The following ZNF680 variants were observed in gnomAD, a reference collection of about 807,000 sequenced individuals.
ZNF680 encodes the protein hypothetical protein FLJ90430.
In ZNF680, 6 loss-of-function variants were observed where a neutral mutation model predicts 12.1. The ratio of observed to expected loss-of-function variants is 0.49; its 90% confidence interval spans 0.27 to 0.98. The LOEUF (loss-of-function observed/expected upper bound fraction) is 0.98. ZNF680 is among the 50% of genes least tolerant of loss of function. The pLI, the probability that ZNF680 is intolerant of heterozygous loss-of-function variation, is 0.12. For missense variants in ZNF680, 561 were observed against 616.3 expected (o/e 0.91, Z 0.95); for synonymous variants, 170 against 199.3 (o/e 0.85, Z 1.24).
chr7:64,539,527 T>C (rs1786388388), intron 3 of ZNF680, among the ~76,000 whole-genome samples: 1 of 152,114 alleles, frequency 6.6e-6, no homozygotes, highest in Non-Finnish European at 1.5e-5. Context: ...AGCGTGTCTG[T>C]CAAGGGCTGA....
chr7:64,515,184 T>G (rs999903756), downstream of ZNF680, among the ~76,000 whole-genome samples: 2 of 152,122 alleles, frequency 1.3e-5, no homozygotes, highest in African/African-American at 4.8e-5. Context: ...AAATTTAAAA[T>G]GCATTTCTTT....
chr7:64,540,375 G>A (rs1786438808), intron 3 of ZNF680, among the ~76,000 whole-genome samples: 1 of 147,442 alleles, frequency 6.8e-6, no homozygotes, highest in African/African-American at 2.5e-5. Context: ...TGCAATCTCA[G>A]CTCACTGTAA....
chr7:64,550,835 C>T (rs187239448), intron 1 of ZNF680, among the ~76,000 whole-genome samples: 7 of 151,190 alleles, frequency 4.6e-5, no homozygotes, highest in South Asian at 4.2e-4. Flanking sequence ...GAGGGAAAGG[C>T]CCCTCTAGAG....
the ZNF680 span, among the ~76,000 whole-genome samples, chr7:64,509,778 G>A: frequency 6.6e-6 from 1 of 152,030 alleles, no homozygotes; most frequent in African/African-American, 2.4e-5. Context: ...CATGGGTAAA[G>A]GTCACGCTTG....
intron 3 of ZNF680, among the ~76,000 whole-genome samples, chr7:64,542,599 T>C (rs1786563257): frequency 6.6e-6 from 1 of 152,160 alleles, no homozygotes; most frequent in Non-Finnish European, 1.5e-5. Flanking sequence ...AAGAAAACAA[T>C]CTTATTTACA....
chr7:64,526,307 G>A (rs1236936653), intron 3 of ZNF680: 3 of 1,174,426 alleles, frequency 2.6e-6, no homozygotes, highest in South Asian at 8.4e-5. Flanking sequence ...CAAGATTAGT[G>A]TACTTTAAAA....
chr7:64,515,534 T>C (rs13239925), downstream of ZNF680, among the ~76,000 whole-genome samples: 38,021 of 151,906 alleles, frequency 0.25, 5,039 homozygotes, highest in Non-Finnish European at 0.29. Context: ...CCATGAGTCA[T>C]TGCCTCCACC....
At chr7:64,534,236 G>C (rs934053328) in intron 3 of ZNF680, among the ~76,000 whole-genome samples, 1 of 152,140 alleles carries the variant, frequency 6.6e-6, no homozygotes, top group Non-Finnish European at 1.5e-5. Context: ...ACAACCCACA[G>C]AGTGGGAAAG....
rs771277629 is a variant in ZNF680 at position 64,522,051 on chromosome 7, C to T, written c.703G>A (p.Glu235Lys). 2.5e-6 allele frequency: 4 copies of T among 1,613,132 alleles called. No individual in the cohort carries two copies. In the South Asian group the frequency reaches 4.4e-5, roughly 18 times the overall value. ...CATTCCTCACATTTGTAGGGTTTCT[C>T]TCCCATATGAATTCCCTTATGTTTA... ...LIKHKGIHMG[E>K]KPYKCEECGK... Residue 235 changes from glutamate to lysine, a missense_variant, in exon 4 of 4, where the codon GAG becomes AAG. Coordinates refer to ENST00000309683, the MANE Select transcript of ZNF680 (RefSeq NM_178558.5).
In ZNF680 at chr7:64,562,909, C is replaced by G; in HGVS notation, c.30+16G>C. ...AGCCCCTCCCCCTCTCTCGGGGTGT[C>G]GGACCGCACTCTCACCATTTCTAGG... On this transcript the variant is annotated intron_variant, in intron 1 of 3. Coordinates refer to ENST00000309683, the MANE Select transcript of ZNF680 (RefSeq NM_178558.5). 1 of 1,613,488 alleles carries G rather than the reference C, an allele frequency of 6.2e-7. No individual in the cohort carries two copies. Among genetic ancestry groups the G allele is most frequent in the Non-Finnish European group, 8.5e-7 (1 of 1,179,642 alleles).
chr7:64,550,898 A>G (rs891441233), intron 1 of ZNF680, among the ~76,000 whole-genome samples: 4 of 152,220 alleles, frequency 2.6e-5, no homozygotes, highest in Non-Finnish European at 5.9e-5. Flanking sequence ...AATTCTAGAC[A>G]GTTCTTGGGA....
At chr7:64,552,525 C>G (rs1438322898) in intron 1 of ZNF680, among the ~76,000 whole-genome samples, 1 of 152,162 alleles carries the variant, frequency 6.6e-6, no homozygotes, top group Non-Finnish European at 1.5e-5. Flanking sequence ...ATGAAAGACA[C>G]TAAACTCATG....
intron 3 of ZNF680, chr7:64,526,023 TTATAA>T (rs1424998363): frequency 1.0e-6 from 1 of 983,442 alleles, no homozygotes; most frequent in African/African-American, 1.7e-5. Flanking sequence ...GCATACTCAA[TTATAA>T]TATAAACTAA....
chr7:64,554,829 T>A (rs1425588992), intron 1 of ZNF680, among the ~76,000 whole-genome samples: 1 of 152,114 alleles, frequency 6.6e-6, no homozygotes, highest in Non-Finnish European at 1.5e-5. Flanking sequence ...TAATCTCAAG[T>A]ACCCAGGGAC....
the ZNF680 span, among the ~76,000 whole-genome samples, chr7:64,499,547 G>A: frequency 2.8e-4 from 43 of 152,322 alleles, no homozygotes; most frequent in African/African-American, 1.0e-3. Flanking sequence ...CACGAGGTCA[G>A]GAGTTCGAGA....
At chr7:64,511,113 T>C in the ZNF680 span, among the ~76,000 whole-genome samples, 1 of 150,134 alleles carries the variant, frequency 6.7e-6, no homozygotes, top group Non-Finnish European at 1.5e-5. Flanking sequence ...CTACTAAAAA[T>C]ACAAAAATTA....
At chr7:64,523,621 A>C (rs991782693) in intron 3 of ZNF680, among the ~76,000 whole-genome samples, 1 of 152,208 alleles carries the variant, frequency 6.6e-6, no homozygotes. Context: ...GATTTATTAA[A>C]AGAATTTTAA....
intron 1 of ZNF680, among the ~76,000 whole-genome samples, chr7:64,557,571 AAAAAAAAACAAAAC>A (rs1421350158): frequency 2.9e-4 from 3 of 10,402 alleles, no homozygotes; most frequent in Non-Finnish European, 4.5e-4. Context: ...ACAAAAAAAC[AAAAAAAAACAAAAC>A]AAAAAAAAAC....
chr7:64,520,800 A>C lies in ZNF680; in HGVS notation c.*361T>G, dbSNP rs923946774. ...CCTTATATTTGTTATGTTTGTCTTC[A>C]AAATAAACACGCTTCTTCACTTTAA... On this transcript the variant is annotated 3_prime_UTR_variant, in exon 4 of 4. Coordinates refer to ENST00000309683, the MANE Select transcript of ZNF680 (RefSeq NM_178558.5). The C allele has an allele frequency of 1.1e-5, 2 of 181,496 alleles. No homozygotes were observed. The highest frequency in any genetic ancestry group is 1.1e-4 in the Admixed American group (2 of 18,302). The allele number at this position is 181,496 out of a possible 1,614,324, so 11.2% of individuals were successfully genotyped here.
Sources: allele counts gnomAD v4.1 joint callset (sites outside exome capture counted in the v4.1 genomes callset), GRCh38; gene constraint gnomAD v4.1.1; transcripts MANE v1.5; gene names NCBI Gene and HGNC (gene_info 2026-07-23, HGNC 2026-07-21).